Variants in BCAP29 observed in about 807,000 individuals in gnomAD.
BCAP29 encodes the protein B-cell receptor-associated protein 29.
A neutral mutation model predicts 31.8 loss-of-function variants in BCAP29; 34 were observed. The ratio of observed to expected loss-of-function variants is 1.07; its 90% CI spans 0.81 to 1.42. The LOEUF (loss-of-function observed/expected upper bound fraction) is 1.42. BCAP29 is among the 40% of genes most tolerant of loss of function. The pLI, the probability that BCAP29 is intolerant of heterozygous loss-of-function variation, is 0.00. For synonymous variants in BCAP29, 104 were observed against 91.3 expected, an observed-to-expected ratio of 1.14 and a Z score of -0.79; for missense variants, 314 against 269.2, an observed-to-expected ratio of 1.17 and a Z score of -1.16.
intron 3 of BCAP29, among the ~76,000 whole-genome samples, chr7:107,592,307 A>G (rs564237075): frequency 2.5e-4 from 38 of 152,372 alleles, no homozygotes; most frequent in African/African-American, 8.4e-4. Context: ...CAAAGATGAT[A>G]TACAAATGAT....
chr7:107,621,731 C>A, downstream of BCAP29: 1 of 472,406 alleles, frequency 2.1e-6, no homozygotes, highest in Non-Finnish European at 4.4e-6. Context: ...CTGACAGCCA[C>A]CAGAAGCTGG....
In BCAP29 at chr7:107,618,520, T is replaced by C. The variant is rs1217282851; in HGVS notation, c.*157T>C. ...ATTGTAATGGCATTATCAAAATATT[T>C]GATGATGTTTCAGATATATTGCAAA... On this transcript the variant is annotated 3_prime_UTR_variant, in exon 8 of 8. Transcript: ENST00000005259. 3.1e-6 allele frequency: 5 copies of C among 1,609,480 alleles called. No individual in the cohort carries two copies. In the East Asian group the frequency reaches 1.1e-4, roughly 36 times the overall value.
chr7:107,590,514 G>A (rs963733171), intron 3 of BCAP29, among the ~76,000 whole-genome samples: 1 of 152,078 alleles, frequency 6.6e-6, no homozygotes, highest in African/African-American at 2.4e-5. Context: ...CAGATGACAC[G>A]ATTATTTATA....
chr7:107,584,303 G>A (rs1807232828), intron 3 of BCAP29, among the ~76,000 whole-genome samples: 1 of 152,146 alleles, frequency 6.6e-6, no homozygotes, highest in Admixed American at 6.5e-5. Flanking sequence ...CTTTGTTACT[G>A]TGATGTCCTA....
chr7:107,594,449 A>C (rs1273501493), intron 4 of BCAP29, among the ~76,000 whole-genome samples: 2 of 80,978 alleles, frequency 2.5e-5, no homozygotes, highest in Non-Finnish European at 4.6e-5. Flanking sequence ...CAGCCTCCCA[A>C]AGTACGGAGA....
At chr7:107,618,249 G>GT in intron 7 of BCAP29, 79 bp from the exon 8 acceptor site, 2 of 1,049,718 alleles carry the variant, frequency 1.9e-6, no homozygotes, top group Non-Finnish European at 2.7e-6. Flanking sequence ...AAGAGAGAAT[G>GT]TTTTTTAAAA....
At position 107,618,200 on chromosome 7, in the gene BCAP29, C is replaced by CT. The variant is rs1350173386; in HGVS notation, c.691-121dup. 5 of 662,228 alleles carry CT rather than the reference C, an allele frequency of 7.6e-6. No individual in the cohort carries two copies. In the Admixed American group the frequency reaches 1.3e-4, roughly 17 times the overall value. 41.0% of individuals were successfully genotyped at this position (662,228 alleles called of 1,614,324 possible). A position where few individuals can be genotyped will look rare whatever the true frequency, so the allele number is the denominator to read the frequency against. ...TTTTAAATTTTAGACTTTCTCAATCCTTTTTTTCACATTTAATTATTCTCA... is the reference window on the plus strand; with the variant it reads ...TTTTAAATTTTAGACTTTCTCAATCCTTTTTTTTCACATTTAATTATTCTCA... On this transcript the variant is annotated intron_variant, in intron 7 of 7. Transcript: ENST00000005259.
At chr7:107,591,106 A>G (rs1004983664) in intron 3 of BCAP29, among the ~76,000 whole-genome samples, 1 of 151,944 alleles carries the variant, frequency 6.6e-6, no homozygotes, top group Non-Finnish European at 1.5e-5. Context: ...CTACAAAAAC[A>G]TTGCTGAAAG....
At chr7:107,610,267 A>G (rs1256404302) in intron 6 of BCAP29, among the ~76,000 whole-genome samples, 2 of 152,218 alleles carry the variant, frequency 1.3e-5, no homozygotes, top group Non-Finnish European at 2.9e-5. Context: ...CAAATATCTC[A>G]GTATTTCCAT....
chr7:107,621,372 T>G (rs1392492666), downstream of BCAP29: 1 of 174,498 alleles, frequency 5.7e-6, no homozygotes, highest in African/African-American at 2.4e-5. Flanking sequence ...TTAAAATTAC[T>G]TTCACGGTGT....
chr7:107,586,729 T>C (rs558972778), intron 3 of BCAP29, among the ~76,000 whole-genome samples: 1,881 of 132,878 alleles, frequency 0.014, 52 homozygotes, highest in African/African-American at 0.055. Flanking sequence ...GTATTTATTC[T>C]TTTTTTTTTT....
At chr7:107,589,611 GCC>G (rs1419343925) in intron 3 of BCAP29, among the ~76,000 whole-genome samples, 9 of 152,220 alleles carry the variant, frequency 5.9e-5, no homozygotes, top group African/African-American at 1.9e-4. Flanking sequence ...CTGCTGTGCA[GCC>G]CAATTCCTGA....
At chr7:107,609,524 A>G (rs1381070586) in intron 6 of BCAP29, among the ~76,000 whole-genome samples, 1 of 152,242 alleles carries the variant, frequency 6.6e-6, no homozygotes, top group Non-Finnish European at 1.5e-5. Context: ...AACAAACTTT[A>G]TCAACAGATG....
chr7:107,622,680 C>T (rs1815079181), downstream of BCAP29: 1 of 152,176 alleles, frequency 6.6e-6, no homozygotes, highest in Non-Finnish European at 1.5e-5. Context: ...AAGAGGTCAT[C>T]CTGAGGGGAA....
intron 3 of BCAP29, among the ~76,000 whole-genome samples, chr7:107,592,836 G>A (rs749041541): frequency 6.6e-6 from 1 of 152,174 alleles, no homozygotes; most frequent in Admixed American, 6.5e-5. Context: ...ACACAAAAGA[G>A]CAGATAGTAT....
chr7:107,607,155 A>G (rs2129275666), intron 6 of BCAP29, among the ~76,000 whole-genome samples: 1 of 152,280 alleles, frequency 6.6e-6, no homozygotes, highest in Admixed American at 6.5e-5. Flanking sequence ...GTCTCTACTA[A>G]AAATATAAAA....
At chr7:107,580,609 T>C (rs905719069) in intron 1 of BCAP29, 150 bp from the exon 2 acceptor site, 8 of 575,002 alleles carry the variant, frequency 1.4e-5, no homozygotes, top group Non-Finnish European at 2.1e-5. Flanking sequence ...GCCACCCTTT[T>C]CCCCTTCCTG....
chr7:107,621,837 A>G (rs1367934927), downstream of BCAP29: 6 of 526,716 alleles, frequency 1.1e-5, no homozygotes, highest in Admixed American at 5.9e-5. Flanking sequence ...CCTGGCCTCC[A>G]GAACTATGGG....
intron 7 of BCAP29, among the ~76,000 whole-genome samples, 156 bp from the exon 8 acceptor site, chr7:107,618,172 G>T (rs895470501): frequency 2.0e-5 from 3 of 152,062 alleles, no homozygotes; most frequent in Non-Finnish European, 2.9e-5. Flanking sequence ...AAATTTTATA[G>T]TTTTTTAAAT....
Sources: allele counts gnomAD v4.1 joint callset (sites outside exome capture counted in the v4.1 genomes callset), GRCh38; gene constraint gnomAD v4.1.1; transcripts MANE v1.5; gene names NCBI Gene and HGNC (gene_info 2026-07-23, HGNC 2026-07-21).